NPHP4: variants seen among roughly 807,000 people sequenced by gnomAD.
The protein encoded by NPHP4 is nephrocystin 4, also known as nephrocystin-4.
Under a neutral mutation model 155.8 loss-of-function variants are expected in NPHP4, and 151 were observed. The observed-to-expected ratio is 0.97, with a 90% CI of 0.85 to 1.11. NPHP4 has a LOEUF of 1.11. Ranked by LOEUF, NPHP4 falls within the 50% of genes least tolerant of loss-of-function variation. NPHP4 has a pLI of 0.00. For synonymous variants in NPHP4, 845 were observed against 816.8 expected (o/e 1.03, Z -0.59); for missense variants, 1,956 against 1,925.7 (o/e 1.02, Z -0.29).
At chr1:5,876,581 A>C in intron 20 of NPHP4, 1 of 152,536 alleles carries the variant, frequency 6.6e-6, no homozygotes, top group Non-Finnish European at 1.5e-5. Context: ...GCAAGGGGGA[A>C]TCTCAGGAGA....
intron 7 of NPHP4, 48 bp downstream of exon 7, chr1:5,952,652 C>T (rs1648366707): frequency 1.5e-6 from 2 of 1,341,222 alleles, no homozygotes; most frequent in Non-Finnish European, 1.0e-6. Context: ...CCGGGTCCCA[C>T]CCCTGCCTGG....
chr1:5,952,999 A>T (rs1648481045), intron 6 of NPHP4, among the ~76,000 whole-genome samples, 163 bp from the exon 7 acceptor site: 1 of 152,060 alleles, frequency 6.6e-6, no homozygotes, highest in Admixed American at 6.5e-5. Flanking sequence ...CCTCCACAAC[A>T]ATTAAGCAAA....
intron 18 of NPHP4, among the ~76,000 whole-genome samples, chr1:5,886,091 T>G (rs182109921): frequency 5.9e-5 from 9 of 152,356 alleles, no homozygotes; most frequent in Non-Finnish European, 1.0e-4. Flanking sequence ...TCACTGCACA[T>G]TTGGTGGCTG....
intron 18 of NPHP4, 48 bp downstream of exon 18, chr1:5,887,237 AG>A (rs1398419855): frequency 6.5e-7 from 1 of 1,544,820 alleles, no homozygotes; most frequent in South Asian, 1.2e-5. Flanking sequence ...ACTCTACCAG[AG>A]GGGTTGGGCG....
intron 23 of NPHP4, among the ~76,000 whole-genome samples, chr1:5,871,602 G>A (rs978923618): frequency 1.3e-5 from 2 of 152,340 alleles, no homozygotes; most frequent in African/African-American, 4.8e-5. Context: ...GATGGAACAC[G>A]CAGTGGGCCA....
intron 19 of NPHP4, among the ~76,000 whole-genome samples, chr1:5,879,867 AC>A: frequency 6.6e-6 from 1 of 150,470 alleles, no homozygotes. Context: ...ACACGCACAC[AC>A]ACATGCACAC....
In NPHP4 at chr1:5,905,609, T is replaced by C; in HGVS notation, c.1763+23A>G. The C allele has an allele frequency of 6.2e-7, 1 of 1,612,834 alleles. No homozygotes were observed. The highest frequency in any genetic ancestry group is 8.5e-7 in the Non-Finnish European group (1 of 1,179,410). Reference sequence around the variant, plus strand: ...ACGGCACAGCACGTGACTGGTTCCATCCCACCCAGACCCACACCTCACCTC... The same window carrying C: ...ACGGCACAGCACGTGACTGGTTCCACCCCACCCAGACCCACACCTCACCTC... On this transcript the variant is annotated intron_variant, in intron 14 of 29. Coordinates refer to ENST00000378156, the MANE Select transcript of NPHP4 (RefSeq NM_015102.5). The surrounding 1 kb of genome is among the most constrained non-coding windows in gnomAD (Gnocchi z 4.0).
chr1:5,957,922 C>G (rs1649557701), intron 6 of NPHP4, among the ~76,000 whole-genome samples: 1 of 152,232 alleles, frequency 6.6e-6, no homozygotes, highest in Admixed American at 6.5e-5. Flanking sequence ...AAAATCCATT[C>G]AAGAGAGACC....
At chr1:5,951,871 A>G (rs1018393357) in intron 7 of NPHP4, among the ~76,000 whole-genome samples, 7 of 152,218 alleles carry the variant, frequency 4.6e-5, no homozygotes, top group African/African-American at 1.7e-4. Flanking sequence ...GGTGTTTTAC[A>G]GCTCGCAAGC....
At chr1:5,987,377 A>C (rs1655643550) in intron 1 of NPHP4, among the ~76,000 whole-genome samples, 1 of 152,124 alleles carries the variant, frequency 6.6e-6, no homozygotes, top group African/African-American at 2.4e-5. Context: ...CCCCAAACCC[A>C]AGGTTCAACA....
At chr1:5,975,215 CAGTT>C (rs1653328397) in intron 3 of NPHP4, among the ~76,000 whole-genome samples, 2 of 152,198 alleles carry the variant, frequency 1.3e-5, no homozygotes, top group African/African-American at 4.8e-5. Flanking sequence ...TTTGCACACA[CAGTT>C]AAATAACTAG....
rs1420539793 is a variant in NPHP4, at chr1:5,889,742, G to A, written c.2304+1126C>T. Reference sequence around the variant, plus strand: ...CCAGCATGGGAGACGGACAAGCAAGGGCCACGATGACCCTGTGGGGCCCTT... The same window carrying A: ...CCAGCATGGGAGACGGACAAGCAAGAGCCACGATGACCCTGTGGGGCCCTT... On this transcript the variant is annotated intron_variant, in intron 17 of 29. Coordinates refer to ENST00000378156, the MANE Select transcript of NPHP4 (RefSeq NM_015102.5). This position sits in a 1 kb window ranked among gnomAD's most constrained non-coding sequence, Gnocchi z 4.2. Among the ~76,000 whole-genome samples the A allele has an allele frequency of 6.6e-6, 1 of 152,188 alleles. No individual in the cohort carries two copies. Among genetic ancestry groups the A allele is most frequent in the Non-Finnish European group, 1.5e-5 (1 of 68,030 alleles).
At chr1:5,927,940 T>G (rs906286753) in intron 10 of NPHP4, among the ~76,000 whole-genome samples, 153 bp from the exon 11 acceptor site, 1 of 152,110 alleles carries the variant, frequency 6.6e-6, no homozygotes, top group Non-Finnish European at 1.5e-5. Flanking sequence ...TATAATCAAG[T>G]AGTTTGAGCA....
chr1:5,928,725 C>T (rs1037955883), intron 10 of NPHP4, among the ~76,000 whole-genome samples: 2 of 152,156 alleles, frequency 1.3e-5, no homozygotes, highest in African/African-American at 4.8e-5. Flanking sequence ...TCCAACTTTA[C>T]TGTTCTTTTT....
intron 2 of NPHP4, among the ~76,000 whole-genome samples, chr1:5,984,353 T>A (rs768472696): frequency 6.6e-6 from 1 of 151,958 alleles, no homozygotes; most frequent in Admixed American, 6.6e-5. Context: ...GCCAACATGG[T>A]GAAACCCCGA....
Position 5,863,401 on chromosome 1 carries a change from C to A in NPHP4, c.4145G>T (p.Gly1382Val). 6.2e-7 allele frequency: 1 copy of A among 1,605,654 alleles called. No homozygotes were observed. The highest frequency in any genetic ancestry group is 1.1e-5 in the South Asian group (1 of 90,012). Reference protein sequence around the residue: ...LRFREDSFQVGGGETYTIGLQ... With the variant: ...LRFREDSFQVVGGETYTIGLQ... ...GCCGATGGTGTAGGTCTCTCCACCC[C>A]CGACCTGGAAATAAGCATCCAAATC... The change falls in exon 30 of 30, where the codon GGG becomes GTG. Residue 1382 changes from glycine (G) to valine (V), a missense_variant. Physicochemically the swap from Gly to Val is moderately radical, Grantham distance 109 (BLOSUM62 -3). Transcript: ENST00000378156.
At chr1:5,958,520 C>A (rs1461297766) in intron 6 of NPHP4, among the ~76,000 whole-genome samples, 2 of 152,210 alleles carry the variant, frequency 1.3e-5, no homozygotes, top group Admixed American at 1.3e-4. Context: ...CGTGGTGAAA[C>A]CCCGTCTCAA....
In NPHP4 at chr1:5,864,033, C is replaced by T. The variant is rs1156259855; in HGVS notation, c.3997G>A (p.Ala1333Thr). Residue 1333 changes from alanine (A) to threonine (T), a missense_variant and splice_region_variant, in exon 29 of 30, where the codon GCC becomes ACC. Physicochemically the swap from Ala to Thr is moderately conservative, Grantham distance 58 (BLOSUM62 0). Transcript: ENST00000378156. ...LCCRQPLISK[A>T]FEIMLAAGEG... Reference sequence around the variant, plus strand: ...CCCGCAGCCAACATGATCTCAAAGGCCTGTGGAGGGAGGGGACAGGGAGAC... The same window carrying T: ...CCCGCAGCCAACATGATCTCAAAGGTCTGTGGAGGGAGGGGACAGGGAGAC... 6.2e-7 allele frequency: 1 copy of T among 1,612,886 alleles called. No homozygotes were observed. Among genetic ancestry groups the T allele is most frequent in the South Asian group, 1.1e-5 (1 of 90,842 alleles).
intron 11 of NPHP4, among the ~76,000 whole-genome samples, chr1:5,923,456 G>A (rs1283672197): frequency 6.6e-6 from 1 of 152,224 alleles, no homozygotes; most frequent in Non-Finnish European, 1.5e-5. Context: ...GCAGCACAGA[G>A]AGAGAATGCC....
Sources: allele counts gnomAD v4.1 joint callset (sites outside exome capture counted in the v4.1 genomes callset), GRCh38; gene constraint gnomAD v4.1.1; non-coding constraint Gnocchi (gnomAD v3.1); transcripts MANE v1.5; gene names NCBI Gene and HGNC (gene_info 2026-07-23, HGNC 2026-07-21).